FHIT: variants seen among roughly 807,000 people sequenced by gnomAD.
FHIT encodes fragile histidine triad diadenosine triphosphatase, also known as bis(5'-adenosyl)-triphosphatase.
In FHIT, 19 loss-of-function variants were observed where a neutral mutation model predicts 17.9. That is an observed-to-expected ratio of 1.06 (90% CI 0.74 to 1.56). The LOEUF is 1.56. FHIT is among the 40% of genes most tolerant of loss of function. The probability of loss-of-function intolerance (pLI) is 0.00; values close to 1 mark genes in which losing one functional copy is unlikely to be tolerated. For missense variants in FHIT, 248 were observed against 189.2 expected (o/e 1.31, Z -1.82); for synonymous variants, 81 against 69.7 (o/e 1.16, Z -0.81).
chr3:60,893,219 A>G (rs1553761085), intron 3 of FHIT, among the ~76,000 whole-genome samples: 4 of 152,128 alleles, frequency 2.6e-5, no homozygotes, highest in African/African-American at 4.8e-5. Context: ...AGCCTTGGTA[A>G]GTTTCCCCTA....
chr3:60,233,367 G>C (rs1245505948), intron 5 of FHIT, among the ~76,000 whole-genome samples: 1 of 151,992 alleles, frequency 6.6e-6, no homozygotes, highest in Non-Finnish European at 1.5e-5. Flanking sequence ...TGCCACCATA[G>C]GACCTTCAGA....
chr3:60,892,597 G>A (rs1705577219), intron 3 of FHIT, among the ~76,000 whole-genome samples: 1 of 152,050 alleles, frequency 6.6e-6, no homozygotes, highest in Non-Finnish European at 1.5e-5. Flanking sequence ...TGAGAAGGTG[G>A]GAAAAAGGCA....
intron 5 of FHIT, among the ~76,000 whole-genome samples, chr3:60,517,689 G>C (rs2035212312): frequency 6.6e-6 from 1 of 152,110 alleles, no homozygotes; most frequent in African/African-American, 2.4e-5. Flanking sequence ...ACGTCATATT[G>C]AATATAGTAC....
chr3:60,697,357 C>T (rs938275307), intron 4 of FHIT, among the ~76,000 whole-genome samples: 1 of 152,188 alleles, frequency 6.6e-6, no homozygotes, highest in Admixed American at 6.5e-5. Context: ...TTGGGTGAAC[C>T]TTGAGATAGG....
At chr3:61,136,766 C>T (rs1205786278) in intron 2 of FHIT, among the ~76,000 whole-genome samples, 1 of 152,146 alleles carries the variant, frequency 6.6e-6, no homozygotes, top group Non-Finnish European at 1.5e-5. Flanking sequence ...AGTGTTGGTA[C>T]TCAGGAAAAC....
At chr3:59,986,528 T>TAC (rs1708923563) in intron 7 of FHIT, among the ~76,000 whole-genome samples, 1 of 3,742 alleles carries the variant, frequency 2.7e-4, no homozygotes, top group African/African-American at 6.2e-4. Context: ...TATATATATA[T>TAC]ATATATATAT....
chr3:60,328,465 T>C (rs1310385164), intron 5 of FHIT, among the ~76,000 whole-genome samples: 1 of 152,142 alleles, frequency 6.6e-6, no homozygotes, highest in Non-Finnish European at 1.5e-5. Flanking sequence ...CAAGAGAGCG[T>C]GTGCTCGGGA....
intron 3 of FHIT, among the ~76,000 whole-genome samples, chr3:60,899,841 T>C (rs576423809): frequency 1.3e-5 from 2 of 152,066 alleles, no homozygotes; most frequent in Non-Finnish European, 2.9e-5. Flanking sequence ...AATGTGATAA[T>C]AAAGAAACAG....
intron 4 of FHIT, among the ~76,000 whole-genome samples, chr3:60,676,369 T>G (rs2040620998): frequency 6.6e-6 from 1 of 152,210 alleles, no homozygotes; most frequent in South Asian, 2.1e-4. Flanking sequence ...CTGACACTTC[T>G]GATATAGAAG....
intron 8 of FHIT, among the ~76,000 whole-genome samples, chr3:59,910,860 G>T (rs1262243470): frequency 6.6e-6 from 1 of 151,960 alleles, no homozygotes; most frequent in Non-Finnish European, 1.5e-5. Flanking sequence ...CTTAGTTTTT[G>T]GTGACTCCAA....
intron 5 of FHIT, among the ~76,000 whole-genome samples, chr3:60,182,794 C>T (rs1158318562): frequency 6.6e-6 from 1 of 151,686 alleles, no homozygotes; most frequent in East Asian, 1.9e-4. Flanking sequence ...ATCAATCAAT[C>T]AATCAATCAA....
intron 7 of FHIT, among the ~76,000 whole-genome samples, chr3:59,923,219 C>T (rs1705494057): frequency 1.4e-5 from 1 of 73,242 alleles, no homozygotes; most frequent in Non-Finnish European, 2.4e-5. Context: ...AGCGAGACTC[C>T]TCAAAAAAAA....
At chr3:61,220,943 G>T (rs1395774066) in intron 1 of FHIT, among the ~76,000 whole-genome samples, 1 of 152,184 alleles carries the variant, frequency 6.6e-6, no homozygotes, top group African/African-American at 2.4e-5. Flanking sequence ...ATTCAATGCT[G>T]TCATATTTGC....
intron 5 of FHIT, among the ~76,000 whole-genome samples, chr3:60,127,756 A>T (rs1576161658): frequency 6.6e-6 from 1 of 152,098 alleles, no homozygotes; most frequent in East Asian, 1.9e-4. Flanking sequence ...GTGCTCCTCC[A>T]TGTCAGCTAA....
intron 8 of FHIT, among the ~76,000 whole-genome samples, chr3:59,892,644 G>C (rs1703904637): frequency 6.6e-6 from 1 of 152,138 alleles, no homozygotes; most frequent in Admixed American, 6.5e-5. Context: ...AAGCTATATG[G>C]AATCAGGCTA....
At position 60,907,409 on chromosome 3, in the gene FHIT, G is replaced by A. The variant is rs115295090; in HGVS notation, c.-110-85398C>T. ...GCAGGAGAATATTCTAGATTAAGAG[G>A]GTCCAAAGAGACAAAATAACTAAGT... On this transcript the variant is annotated intron_variant, in intron 3 of 9. Transcript: ENST00000492590. 8.2e-3 allele frequency among the ~76,000 whole-genome samples: 1,245 copies of A among 152,164 alleles called. 14 individuals are homozygous for A. The highest frequency in any genetic ancestry group is 0.015 in the Non-Finnish European group (989 of 67,980).
intron 4 of FHIT, among the ~76,000 whole-genome samples, chr3:60,636,119 C>A (rs1296782582): frequency 3.3e-5 from 5 of 151,706 alleles, no homozygotes; most frequent in African/African-American, 1.2e-4. Flanking sequence ...GACTGGAGTG[C>A]AGTGGCGCCA....
chr3:60,315,605 A>G (rs1709129825), intron 5 of FHIT, among the ~76,000 whole-genome samples: 1 of 152,210 alleles, frequency 6.6e-6, no homozygotes, highest in African/African-American at 2.4e-5. Flanking sequence ...GAAATTCATC[A>G]CTGCTGCTGC....
At chr3:59,751,232 T>TTCTCTCTCTC (rs10577548) in intron 9 of FHIT, 29,174 of 176,138 alleles carry the variant, frequency 0.17, 2,817 homozygotes, top group African/African-American at 0.25. Context: ...ATAGATACAT[T>TTCTCTCTCTC]TCTCTCTCTC....
Sources: gnomAD v4.1 joint callset for allele counts (sites outside exome capture counted in the v4.1 genomes callset) on GRCh38, gnomAD v4.1.1 for gene constraint, MANE v1.5 for transcripts, NCBI Gene and HGNC (gene_info 2026-07-23, HGNC 2026-07-21) for gene names.